The following GATA6 variants were observed in gnomAD, a reference collection of about 807,000 sequenced individuals.
GATA6 encodes GATA binding protein 6.
GATA6 carries 11 observed loss-of-function variants against 48.1 expected under a neutral mutation model. That is an observed-to-expected ratio of 0.23 (90% CI 0.14 to 0.38). The LOEUF (loss-of-function observed/expected upper bound fraction) is 0.38. Among genes scored for constraint, GATA6 ranks in the 10% least tolerant of loss-of-function variants. The pLI, the probability that GATA6 is intolerant of heterozygous loss-of-function variation, is 1.00. For synonymous variants in GATA6, 419 were observed against 396.1 expected (o/e 1.06, Z -0.69); for missense variants, 795 against 850.3 (o/e 0.93, Z 0.81).
rs376126846 is a variant in GATA6 at position 22,170,493 on chromosome 18, C to G, written c.-37-615C>G. Among the ~76,000 whole-genome samples, 14 of 152,260 alleles carry G rather than the reference C, an allele frequency of 9.2e-5. No individual in the cohort carries two copies. Among genetic ancestry groups the G allele is most frequent in the African/African-American group, 3.4e-4 (14 of 41,478 alleles). ...ACTTTCCCTGGGCCGAGTTGCATTT[C>G]TCTCTGGGGCTCGCGTTCGGGCTGG... is the stretch of plus-strand genomic sequence containing the variant. On this transcript the variant is annotated intron_variant, in intron 1 of 6. Transcript: ENST00000269216. This position sits in a 1 kb window ranked among gnomAD's most constrained non-coding sequence, Gnocchi z 6.7.
At chr18:22,182,707 T>C (rs1056734798) in intron 4 of GATA6, 50 bp from the exon 5 acceptor site, 6 of 1,367,118 alleles carry the variant, frequency 4.4e-6, no homozygotes, top group Non-Finnish European at 6.2e-6. Context: ...GGGTCTTTGG[T>C]TTTTCTTCAA....
At chr18:22,190,602 A>T (rs190014362) in intron 6 of GATA6, among the ~76,000 whole-genome samples, 256 of 152,204 alleles carry the variant, frequency 1.7e-3, no homozygotes, top group Non-Finnish European at 3.0e-3. Context: ...TGAGAGAGTT[A>T]TGTGGTTAGG....
chr18:22,198,321 T>G (rs2033417275), intron 6 of GATA6, among the ~76,000 whole-genome samples: 1 of 152,190 alleles, frequency 6.6e-6, no homozygotes, highest in African/African-American at 2.4e-5. Context: ...TCCTCCCTCC[T>G]CGGCTTCCCA....
intron 6 of GATA6, among the ~76,000 whole-genome samples, chr18:22,198,087 T>C (rs1241996005): frequency 6.8e-6 from 1 of 146,320 alleles, no homozygotes; most frequent in Non-Finnish European, 1.5e-5. Context: ...TTTTTTTTTT[T>C]AATTTTTACT....
chr18:22,186,881 C>T (rs1258655331), intron 6 of GATA6, among the ~76,000 whole-genome samples: 1 of 152,152 alleles, frequency 6.6e-6, no homozygotes, highest in African/African-American at 2.4e-5. Flanking sequence ...GTCAGCAAGT[C>T]GATGACCTTG....
rs764483117 is a variant in GATA6 at position 22,182,864 on chromosome 18, G to A, written c.1516+20G>A. The A allele has an allele frequency of 2.1e-5, 33 of 1,605,454 alleles. No homozygotes were observed. Among genetic ancestry groups the A allele is most frequent in the East Asian group, 4.5e-5 (2 of 44,836 alleles). On this transcript the variant is annotated intron_variant, in intron 5 of 6. Coordinates refer to ENST00000269216, the MANE Select transcript of GATA6 (RefSeq NM_005257.6). The stretch of plus-strand genomic sequence containing the variant: ...GCTCTGGTAAATATACTAAAATGAC[G>A]TTTGACTGTAAAGTATTTGCCAACC...
At chr18:22,175,673 G>A (rs1227363334) in intron 2 of GATA6, 1 of 152,140 alleles carries the variant, frequency 6.6e-6, no homozygotes, top group Non-Finnish European at 1.5e-5. Flanking sequence ...TTTGTAAATA[G>A]TATTAATGGA....
chr18:22,179,222 G>T (rs936092149), intron 3 of GATA6, among the ~76,000 whole-genome samples: 1 of 152,144 alleles, frequency 6.6e-6, no homozygotes, highest in Non-Finnish European at 1.5e-5. Flanking sequence ...GTCTCCTTGT[G>T]GGCTTCTTAT....
At chr18:22,189,615 C>T (rs1212440119) in intron 6 of GATA6, among the ~76,000 whole-genome samples, 1 of 152,122 alleles carries the variant, frequency 6.6e-6, no homozygotes, top group Non-Finnish European at 1.5e-5. Flanking sequence ...AGTATGAAGG[C>T]GAGCTCTGAT....
At position 22,172,171 on chromosome 18, in the gene GATA6, G is replaced by A. The variant is rs142601402; in HGVS notation, c.1027G>A (p.Ala343Thr). Residue 343 changes from alanine to threonine, a missense_variant, in exon 2 of 7, where the codon GCG becomes ACG. Ala to Thr is a moderately conservative substitution (Grantham distance 58). This residue lies in a region of GATA6 where 591 missense variants were observed against 570.0 expected (regional missense o/e 1.04). Transcript: ENST00000269216. The surrounding 1 kb of genome is among the most constrained non-coding windows in gnomAD (Gnocchi z 5.2). ...HPSPYSPYVG[A>T]PLTPAWPAGP... ...GAGCCCCTACTCGCCCTACGTGGGG[G>A]CGCCACTGACGCCTGCCTGGCCCGC... is the stretch of plus-strand genomic sequence containing the variant. 264 of 1,533,424 alleles carry A rather than the reference G, an allele frequency of 1.7e-4. No homozygotes were observed. The highest frequency in any genetic ancestry group is 2.7e-4 in the Admixed American group (14 of 50,912). 95.0% of individuals were successfully genotyped at this position (1,533,424 alleles called of 1,614,324 possible). A position where few individuals can be genotyped will look rare whatever the true frequency, so the allele number is the denominator to read the frequency against.
intron 4 of GATA6, 129 bp from the exon 5 acceptor site, chr18:22,182,628 G>A (rs1305761979): frequency 5.8e-6 from 4 of 694,898 alleles, no homozygotes; most frequent in Non-Finnish European, 1.0e-5. Context: ...AAAGTGCTGG[G>A]ATTAGAGGCG....
At position 22,171,310 on chromosome 18, in the gene GATA6, G is replaced by A. The variant is rs1212291571; in HGVS notation, c.166G>A (p.Gly56Ser). 4.4e-6 allele frequency: 7 copies of A among 1,590,090 alleles called. No individual in the cohort carries two copies. The highest frequency in any genetic ancestry group is 6.0e-6 in the Non-Finnish European group (7 of 1,174,734). The change falls in exon 2 of 7, where the codon GGC becomes AGC. Residue 56 changes from glycine to serine, a missense_variant. Transcript: ENST00000269216. The surrounding 1 kb of genome is among the most constrained non-coding windows in gnomAD (Gnocchi z 7.1). ...CSRGGERGPG[G>S]ASNCGTPQLD... ...CCGGGGCGGAGAGCGGGGCCCCGGC[G>A]GCGCCAGCAACTGCGGGACGCCTCA...
rs767279089 is a variant in GATA6, at chr18:22,171,444, G to T, written c.300G>T (p.Ala100=). 7 of 1,594,106 alleles carry T rather than the reference G, an allele frequency of 4.4e-6. No homozygotes were observed. The highest frequency in any genetic ancestry group is 5.9e-6 in the Non-Finnish European group (7 of 1,177,356). Residue 100 remains alanine (A), a synonymous_variant, in exon 2 of 7, where the codon GCG becomes GCT. Transcript: ENST00000269216. This position sits in a 1 kb window ranked among gnomAD's most constrained non-coding sequence, Gnocchi z 7.1. ...ACGGACCTTCGGCGCCTGGGGTCGC[G>T]GGCCCCGGGGGCAACCTGTCGAGCT... ...APHGPSAPGV[A]GPGGNLSSWE...
rs371196607 is a variant in GATA6 at position 22,187,620 on chromosome 18, C to T, written c.1620+4577C>T. Among the ~76,000 whole-genome samples, 78 of 151,294 alleles carry T rather than the reference C, an allele frequency of 5.2e-4. No homozygotes were observed. In the Middle Eastern group the frequency reaches 0.014, roughly 27 times the overall value. Reference sequence around the variant, plus strand: ...TTTTGGTTGTTATTTAGGAGAGAAACATGGTAATGTTCTGTTTCTGCAATA... The same window carrying T: ...TTTTGGTTGTTATTTAGGAGAGAAATATGGTAATGTTCTGTTTCTGCAATA... On this transcript the variant is annotated intron_variant, in intron 6 of 6. Transcript: ENST00000269216.
chr18:22,172,135 C>CTGG lies in GATA6; in HGVS notation c.991_992insTGG (p.His331delinsLeuAsp). 1 of 1,527,350 alleles carries CTGG rather than the reference C, an allele frequency of 6.5e-7. No individual in the cohort carries two copies. Among genetic ancestry groups the CTGG allele is most frequent in the African/African-American group, 1.4e-5 (1 of 72,580 alleles). The allele number at this position is 1,527,350 out of a possible 1,614,324, so 94.6% of individuals were successfully genotyped here. A position where few individuals can be genotyped will look rare whatever the true frequency, so the allele number is the denominator to read the frequency against. Reference sequence around the variant, plus strand: ...GTACCACCACCACCACCACCACCACCACCACCATCCGAGCCCCTACTCGCC... The same window carrying CTGG: ...GTACCACCACCACCACCACCACCACCTGGACCACCATCCGAGCCCCTACTCGCC... On this transcript the variant is annotated protein_altering_variant, in exon 2 of 7. Coordinates refer to ENST00000269216, the MANE Select transcript of GATA6 (RefSeq NM_005257.6). This position sits in a 1 kb window ranked among gnomAD's most constrained non-coding sequence, Gnocchi z 5.2.
intron 6 of GATA6, among the ~76,000 whole-genome samples, chr18:22,196,154 C>T (rs2033386403): frequency 6.6e-6 from 1 of 152,184 alleles, no homozygotes; most frequent in Non-Finnish European, 1.5e-5. Flanking sequence ...TATATGTACA[C>T]ATAAAATAAG....
At chr18:22,190,952 G>A (rs1192526096) in intron 6 of GATA6, among the ~76,000 whole-genome samples, 1 of 150,606 alleles carries the variant, frequency 6.6e-6, no homozygotes, top group Non-Finnish European at 1.5e-5. Context: ...GGCAGGGAAT[G>A]TTCAAGCATG....
At chr18:22,178,102 C>T (rs1270445571) in intron 3 of GATA6, among the ~76,000 whole-genome samples, 4 of 151,882 alleles carry the variant, frequency 2.6e-5, no homozygotes, top group Non-Finnish European at 1.5e-5. Context: ...GCTGGGATTA[C>T]AGGCATGTGC....
At chr18:22,181,046 A>G (rs2033189130) in intron 3 of GATA6, among the ~76,000 whole-genome samples, 1 of 152,180 alleles carries the variant, frequency 6.6e-6, no homozygotes, top group African/African-American at 2.4e-5. Flanking sequence ...CAACTTTTAG[A>G]AAATCTTTTA....
Sources: allele counts gnomAD v4.1 joint callset (sites outside exome capture counted in the v4.1 genomes callset), GRCh38; gene constraint gnomAD v4.1.1; regional missense constraint gnomAD v4.1.1; non-coding constraint Gnocchi (gnomAD v3.1); transcripts MANE v1.5; gene names NCBI Gene and HGNC (gene_info 2026-07-23, HGNC 2026-07-21).